The following EYS variants were observed in gnomAD, a reference collection of about 807,000 sequenced individuals.
EYS encodes the protein protein eyes shut homolog.
A neutral mutation model predicts 282.1 loss-of-function variants in EYS; 250 were observed. The ratio of observed to expected loss-of-function variants is 0.89; its 90% CI spans 0.80 to 0.98. The LOEUF is 0.98. EYS is among the 50% of genes least tolerant of loss of function. The pLI is 0.00. For synonymous variants in EYS, 1,355 were observed against 1,282.9 expected (o/e 1.06, Z -1.20); for missense variants, 4,016 against 3,709.0 (o/e 1.08, Z -2.15).
chr6:64,325,501 A>C (rs12525872), intron 29 of EYS, among the ~76,000 whole-genome samples: 2,516 of 152,280 alleles, frequency 0.017, 224 homozygotes, highest in Admixed American at 0.14. Flanking sequence ...ATGATAAAAC[A>C]AGGCTCTTTA....
intron 18 of EYS, among the ~76,000 whole-genome samples, chr6:64,890,180 G>T (rs1767242308): frequency 6.6e-6 from 1 of 151,930 alleles, no homozygotes; most frequent in African/African-American, 2.4e-5. Flanking sequence ...CAGACCAGTT[G>T]CTCTCAAAAC....
At chr6:64,664,884 T>C (rs1321003064) in intron 22 of EYS, among the ~76,000 whole-genome samples, 2 of 152,206 alleles carry the variant, frequency 1.3e-5, no homozygotes, top group African/African-American at 2.4e-5. Flanking sequence ...GTTTAAGGTG[T>C]TTTATATAGC....
intron 26 of EYS, among the ~76,000 whole-genome samples, chr6:64,500,487 G>A (rs1447744279): frequency 6.6e-6 from 1 of 151,892 alleles, no homozygotes. Context: ...CATTTTAAAA[G>A]GCTAAATCAC....
intron 12 of EYS, among the ~76,000 whole-genome samples, chr6:65,238,151 C>T (rs1051780888): frequency 2.0e-5 from 3 of 151,442 alleles, no homozygotes; most frequent in Admixed American, 6.6e-5. Flanking sequence ...AAGTAGTTTG[C>T]TATACTTTTA....
At chr6:65,215,803 T>A (rs142898926) in intron 12 of EYS, among the ~76,000 whole-genome samples, 1 of 152,280 alleles carries the variant, frequency 6.6e-6, no homozygotes, top group East Asian at 1.9e-4. Context: ...CCATCAACAT[T>A]GAGACAAGAC....
At chr6:64,333,807 G>C (rs1770733155) in intron 29 of EYS, among the ~76,000 whole-genome samples, 1 of 152,130 alleles carries the variant, frequency 6.6e-6, no homozygotes, top group African/African-American at 2.4e-5. Flanking sequence ...TCCTATATCA[G>C]TTGAAAATGT....
intron 2 of EYS, among the ~76,000 whole-genome samples, chr6:65,557,475 C>T (rs1464030802): frequency 1.3e-5 from 2 of 152,178 alleles, no homozygotes; most frequent in East Asian, 1.9e-4. Flanking sequence ...GCTGCAGGCA[C>T]CAGCATCCAG....
intron 2 of EYS, among the ~76,000 whole-genome samples, chr6:65,561,908 A>T (rs1451631724): frequency 6.6e-6 from 1 of 151,740 alleles, no homozygotes; most frequent in Non-Finnish European, 1.5e-5. Flanking sequence ...ATCAGAAAGT[A>T]ATTTTCTAAA....
intron 15 of EYS, among the ~76,000 whole-genome samples, chr6:64,928,200 A>C (rs1768581119): frequency 6.6e-6 from 1 of 152,148 alleles, no homozygotes; most frequent in Admixed American, 6.5e-5. Context: ...AAAAAGAAAG[A>C]GTAAGGGAAA....
intron 2 of EYS, among the ~76,000 whole-genome samples, chr6:65,507,097 C>T (rs9360134): frequency 6.6e-6 from 1 of 151,734 alleles, no homozygotes; most frequent in Non-Finnish European, 1.5e-5. Context: ...TTTTCAATAT[C>T]GTTTGCATGA....
intron 32 of EYS, among the ~76,000 whole-genome samples, chr6:64,067,843 T>C (rs1281444955): frequency 6.6e-6 from 1 of 152,162 alleles, no homozygotes; most frequent in Non-Finnish European, 1.5e-5. Flanking sequence ...TAATTCATTA[T>C]CATTGTTTTG....
At chr6:64,834,261 T>A (rs1765314344) in intron 19 of EYS, among the ~76,000 whole-genome samples, 1 of 151,860 alleles carries the variant, frequency 6.6e-6, no homozygotes, top group Non-Finnish European at 1.5e-5. Context: ...AAGCTCATGA[T>A]TACAAATATA....
intron 28 of EYS, among the ~76,000 whole-genome samples, chr6:64,403,905 CA>C (rs1773619803): frequency 1.3e-5 from 2 of 152,074 alleles, no homozygotes; most frequent in African/African-American, 4.8e-5. Context: ...TGGATTTTTT[CA>C]GAGGAAAATC....
chr6:65,543,849 A>T (rs982584994), intron 2 of EYS, among the ~76,000 whole-genome samples: 5 of 152,248 alleles, frequency 3.3e-5, no homozygotes, highest in African/African-American at 1.2e-4. Flanking sequence ...AGTCTGCTGC[A>T]GTGAATAGTA....
chr6:65,597,477 A>G lies in EYS; in HGVS notation c.-333+42301T>C, dbSNP rs190868906. Among the ~76,000 whole-genome samples, 8 of 152,222 alleles carry G rather than the reference A, an allele frequency of 5.3e-5. 1 individual carries two copies. Among genetic ancestry groups the G allele is most frequent in the Admixed American group, 5.2e-4 (8 of 15,272 alleles). Reference sequence around the variant, plus strand: ...AGTACTGACAGTGCAGGCTTTTACTAAGAAATTACTGATGAATGAATGGAT... The same window carrying G: ...AGTACTGACAGTGCAGGCTTTTACTGAGAAATTACTGATGAATGAATGGAT... On this transcript the variant is annotated intron_variant, in intron 2 of 42. Transcript: ENST00000503581.
chr6:64,169,434 T>TTTTTTTTTTGTTTTTTTG (rs1236211385), intron 31 of EYS, among the ~76,000 whole-genome samples: 2 of 140,996 alleles, frequency 1.4e-5, no homozygotes, highest in African/African-American at 5.6e-5. Flanking sequence ...AGGAGGAGTT[T>TTTTTTTTTTGTTTTTTTG]TTTTTTTTTT....
At chr6:65,362,590 C>T (rs957500779) in intron 8 of EYS, among the ~76,000 whole-genome samples, 13 of 151,324 alleles carry the variant, frequency 8.6e-5, no homozygotes, top group South Asian at 8.3e-4. Context: ...CATATATGTA[C>T]GTATACATTT....
At chr6:63,815,041 A>G (rs1174314559) in intron 36 of EYS, among the ~76,000 whole-genome samples, 1 of 152,238 alleles carries the variant, frequency 6.6e-6, no homozygotes, top group Non-Finnish European at 1.5e-5. Flanking sequence ...TTCAGAAATT[A>G]AGAAACATTG....
chr6:64,468,014 G>A (rs2150490114), intron 26 of EYS, among the ~76,000 whole-genome samples: 1 of 152,110 alleles, frequency 6.6e-6, no homozygotes, highest in Admixed American at 6.5e-5. Flanking sequence ...ACTAATTCAT[G>A]CACTCAACCC....
Sources: gnomAD v4.1 joint callset for allele counts (sites outside exome capture counted in the v4.1 genomes callset) on GRCh38, gnomAD v4.1.1 for gene constraint, MANE v1.5 for transcripts, NCBI Gene and HGNC (gene_info 2026-07-23, HGNC 2026-07-21) for gene names.